The following PCDHGA3 variants were observed in gnomAD, a reference collection of about 807,000 sequenced individuals.
PCDHGA3 encodes protocadherin gamma subfamily A, 3, also known as protocadherin gamma-A3.
Under a neutral mutation model 58.5 loss-of-function variants are expected in PCDHGA3, and 40 were observed. The observed-to-expected ratio is 0.68, with a 90% CI of 0.53 to 0.89. The LOEUF (loss-of-function observed/expected upper bound fraction) is 0.89. Ranked by LOEUF, PCDHGA3 falls within the 40% of genes least tolerant of loss-of-function variation. The pLI, the probability that PCDHGA3 is intolerant of heterozygous loss-of-function variation, is 0.00. For missense variants in PCDHGA3, 1,223 were observed against 1,195.9 expected (o/e 1.02, Z -0.33); for synonymous variants, 530 against 525.7 (o/e 1.01, Z -0.11).
intron 1 of PCDHGA3, among the ~76,000 whole-genome samples, chr5:141,347,432 G>A (rs1248544823): frequency 1.3e-5 from 2 of 152,062 alleles, no homozygotes; most frequent in African/African-American, 4.8e-5. Flanking sequence ...TGCGATTAGA[G>A]GCATGAGCCA....
chr5:141,365,401 T>G, intron 1 of PCDHGA3: 1 of 1,614,034 alleles, frequency 6.2e-7, no homozygotes, highest in Non-Finnish European at 8.5e-7. Flanking sequence ...GTTCGATCTC[T>G]GAAGACTGTC....
In PCDHGA3 at chr5:141,476,034, C is replaced by G. The variant is rs934044974; in HGVS notation, c.2425-18773C>G. On this transcript the variant is annotated intron_variant, in intron 1 of 3. Transcript: ENST00000253812. This position sits in a 1 kb window ranked among gnomAD's most constrained non-coding sequence, Gnocchi z 7.6. ...CCATGTCGGACTCGGCGCCCAGCGC[C>G]CAAGCGCTAACCCGCTGAAAGTTTC... The G allele has an allele frequency of 2.0e-6, 3 of 1,464,488 alleles. No homozygotes were observed. Among genetic ancestry groups the G allele is most frequent in the Non-Finnish European group, 2.7e-6 (3 of 1,100,656 alleles). 90.7% of individuals were successfully genotyped at this position (1,464,488 alleles called of 1,614,324 possible). A position where few individuals can be genotyped will look rare whatever the true frequency, so the allele number is the denominator to read the frequency against.
chr5:141,408,796 A>G (rs2154540634), intron 1 of PCDHGA3: 1 of 1,612,808 alleles, frequency 6.2e-7, no homozygotes, highest in Non-Finnish European at 8.5e-7. Context: ...CTCTGGAGAA[A>G]CTCCTAGACC....
At chr5:141,445,751 G>A (rs1211416281) in intron 1 of PCDHGA3, among the ~76,000 whole-genome samples, 1 of 152,102 alleles carries the variant, frequency 6.6e-6, no homozygotes, top group East Asian at 1.9e-4. Context: ...AAAAATAAAA[G>A]GTGTGACTCA....
At chr5:141,411,302 G>T (rs1165336405) in intron 1 of PCDHGA3, 1 of 152,134 alleles carries the variant, frequency 6.6e-6, no homozygotes, top group Admixed American at 6.6e-5. Context: ...AGGCCCAGTG[G>T]CTCACACCTA....
chr5:141,491,937 AC>A lies in PCDHGA3; in HGVS notation c.2425-2865del. ...CTGTGGGCGAGGGGAGGTGGGACCG[AC>A]CCCCACCCCTACACTCAAAAAAGGC... On this transcript the variant is annotated intron_variant, in intron 1 of 3. Transcript: ENST00000253812. This position sits in a 1 kb window ranked among gnomAD's most constrained non-coding sequence, Gnocchi z 6.9. The A allele has an allele frequency of 3.4e-6, 4 of 1,164,304 alleles. No homozygotes were observed. Among genetic ancestry groups the A allele is most frequent in the Non-Finnish European group, 4.7e-6 (4 of 858,404 alleles). The allele number at this position is 1,164,304 out of a possible 1,614,324, so 72.1% of individuals were successfully genotyped here.
intron 1 of PCDHGA3, chr5:141,395,410 A>G: frequency 1.2e-6 from 1 of 801,764 alleles, no homozygotes; most frequent in Non-Finnish European, 1.9e-6. Context: ...GTCATAGGTT[A>G]TTGTTTCATT....
At chr5:141,427,812 G>A (rs1380721111) in intron 1 of PCDHGA3, 1 of 1,524,286 alleles carries the variant, frequency 6.6e-7, no homozygotes, top group African/African-American at 1.4e-5. Context: ...CGCACAGAGC[G>A]GGGTGGTGGT....
rs770828917 is a variant in PCDHGA3 at position 141,431,306 on chromosome 5, C to G, written c.2425-63501C>G. ...GAACACTCACTTCTCCCTCATCGTG[C>G]AAAATGGAGCCGACGGTAGTAAGTA... On this transcript the variant is annotated intron_variant, in intron 1 of 3. Transcript: ENST00000253812. The surrounding 1 kb of genome is among the most constrained non-coding windows in gnomAD (Gnocchi z 4.8). 6.2e-7 allele frequency: 1 copy of G among 1,614,124 alleles called. No homozygotes were observed. The highest frequency in any genetic ancestry group is 2.2e-5 in the East Asian group (1 of 44,878).
At chr5:141,364,613 C>A in intron 1 of PCDHGA3, 1 of 1,614,170 alleles carries the variant, frequency 6.2e-7, no homozygotes, top group Admixed American at 1.7e-5. Context: ...CCGGGAGGAG[C>A]TCTGCGCTCA....
At position 141,512,750 on chromosome 5, in the gene PCDHGA3, G is replaced by C. The variant is rs538475261; in HGVS notation, c.*1577G>C. The C allele has an allele frequency of 2.6e-5, 4 of 152,894 alleles. No homozygotes were observed. The highest frequency in any genetic ancestry group is 4.4e-5 in the Non-Finnish European group (3 of 68,656). 9.5% of individuals were successfully genotyped at this position (152,894 alleles called of 1,614,324 possible). ...AGCGGGCGGCGGGCTCCGCGCAGCC[G>C]TCTGTCCTTGATCTGCCCGCGGCGG... On this transcript the variant is annotated 3_prime_UTR_variant, in exon 4 of 4. Coordinates refer to ENST00000253812, the MANE Select transcript of PCDHGA3 (RefSeq NM_018916.4).
chr5:141,456,678 T>C (rs2098875796), intron 1 of PCDHGA3, among the ~76,000 whole-genome samples: 1 of 152,152 alleles, frequency 6.6e-6, no homozygotes, highest in South Asian at 2.1e-4. Flanking sequence ...TAAAAATGCA[T>C]TACTGGCCAG....
rs1779505290 is a variant in PCDHGA3, at chr5:141,383,837, C to A, written c.2424+37380C>A. On this transcript the variant is annotated intron_variant, in intron 1 of 3. Transcript: ENST00000253812. ...GAAGGATTAGATTATGAAGAAACTG[C>A]CTTCTATGAAATGGAGGTTCAGGCT... 1 of 1,613,886 alleles carries A rather than the reference C, an allele frequency of 6.2e-7. No homozygotes were observed. The highest frequency in any genetic ancestry group is 1.1e-5 in the South Asian group (1 of 91,078).
At chr5:141,350,163 C>T in intron 1 of PCDHGA3, 2 of 1,140,904 alleles carry the variant, frequency 1.8e-6, no homozygotes, top group Non-Finnish European at 2.3e-6. Context: ...GAGCGCCTAA[C>T]TAATAAGTCC....
At chr5:141,462,116 C>T (rs535029363) in intron 1 of PCDHGA3, among the ~76,000 whole-genome samples, 3 of 152,152 alleles carry the variant, frequency 2.0e-5, no homozygotes, top group Admixed American at 1.3e-4. Context: ...AGCCACTGCA[C>T]CCAGTCCAAT....
chr5:141,351,795 C>G, intron 1 of PCDHGA3: 1 of 1,613,360 alleles, frequency 6.2e-7, no homozygotes, highest in South Asian at 1.1e-5. Flanking sequence ...GTGGTGTTCG[C>G]GCAGCGCGCC....
At chr5:141,419,472 G>T in intron 1 of PCDHGA3, 1 of 1,612,328 alleles carries the variant, frequency 6.2e-7, no homozygotes, top group South Asian at 1.1e-5. Flanking sequence ...CGCGACCAGG[G>T]CTCGCCCGCG....
intron 1 of PCDHGA3, chr5:141,372,738 T>C: frequency 6.2e-7 from 1 of 1,613,740 alleles, no homozygotes; most frequent in Non-Finnish European, 8.5e-7. Flanking sequence ...AGATCTTCTA[T>C]GTGATGAAGC....
At chr5:141,356,203 G>T in intron 1 of PCDHGA3, 1 of 1,607,564 alleles carries the variant, frequency 6.2e-7, no homozygotes, top group Non-Finnish European at 8.5e-7. Context: ...CAAGGTACTG[G>T]TGACAGTTCT....
Sources: allele counts gnomAD v4.1 joint callset (sites outside exome capture counted in the v4.1 genomes callset), GRCh38; gene constraint gnomAD v4.1.1; non-coding constraint Gnocchi (gnomAD v3.1); transcripts MANE v1.5; gene names NCBI Gene and HGNC (gene_info 2026-07-23, HGNC 2026-07-21).